NRG1: variants seen among roughly 807,000 people sequenced by gnomAD.
The protein encoded by NRG1 is neuregulin 1.
Under a neutral mutation model 63.8 loss-of-function variants are expected in NRG1, and 18 were observed. The observed-to-expected ratio is 0.28, with a 90% CI of 0.19 to 0.42. NRG1 has a LOEUF of 0.42. Among genes scored for constraint, NRG1 ranks in the 10% least tolerant of loss-of-function variants. The pLI, the probability that NRG1 is intolerant of heterozygous loss-of-function variation, is 1.00. For synonymous variants in NRG1, 302 were observed against 301.3 expected (o/e 1.00, Z -0.02); for missense variants, 762 against 814.7 (o/e 0.94, Z 0.79).
intron 1 of NRG1, among the ~76,000 whole-genome samples, chr8:32,508,577 G>A (rs1295415236): frequency 3.9e-5 from 6 of 151,994 alleles, no homozygotes; most frequent in South Asian, 2.1e-4. Flanking sequence ...GATTACAGGC[G>A]TGAGCCACCG....
chr8:32,288,803 G>A (rs1463172628), intron 1 of NRG1, among the ~76,000 whole-genome samples: 1 of 152,142 alleles, frequency 6.6e-6, no homozygotes, highest in Non-Finnish European at 1.5e-5. Flanking sequence ...CCTAGTAACA[G>A]CTTGAATCAC....
chr8:32,193,248 A>G (rs1161137615), intron 1 of NRG1, among the ~76,000 whole-genome samples: 1 of 151,574 alleles, frequency 6.6e-6, no homozygotes, highest in African/African-American at 2.4e-5. Context: ...AGCAGTAGTG[A>G]CCCTGTTGAT....
At chr8:32,455,071 G>C (rs191028385) in intron 1 of NRG1, among the ~76,000 whole-genome samples, 20 of 152,198 alleles carry the variant, frequency 1.3e-4, no homozygotes, top group Middle Eastern at 3.4e-3. Flanking sequence ...GTACCATCTT[G>C]GTTCGTGTAA....
rs1001308841 is a variant in NRG1, at chr8:31,699,960, A to T, written c.37+60529A>T. Among the ~76,000 whole-genome samples, 3 of 152,176 alleles carry T rather than the reference A, an allele frequency of 2.0e-5. No homozygotes were observed. In the South Asian group the frequency reaches 6.2e-4, roughly 32 times the overall value. On this transcript the variant is annotated intron_variant, in intron 1 of 10. Transcript: ENST00000519301. ...GGTTTATTTGGCTTTTATTCATAAA[A>T]ATACGAAAACCTTTCCTTGGTTTTC...
At chr8:31,977,142 A>G (rs1370432336) in intron 1 of NRG1, among the ~76,000 whole-genome samples, 1 of 152,158 alleles carries the variant, frequency 6.6e-6, no homozygotes, top group East Asian at 1.9e-4. Context: ...TCTATGTTCA[A>G]ATATTTTAAA....
chr8:31,712,011 A>G (rs1811807823), intron 1 of NRG1, among the ~76,000 whole-genome samples: 1 of 151,710 alleles, frequency 6.6e-6, no homozygotes, highest in South Asian at 2.1e-4. Flanking sequence ...TAAATAGCAC[A>G]CTCCAAATAC....
At chr8:32,387,861 T>C (rs1467377966) in intron 1 of NRG1, among the ~76,000 whole-genome samples, 1 of 152,206 alleles carries the variant, frequency 6.6e-6, no homozygotes, top group Non-Finnish European at 1.5e-5. Context: ...GAGACTGAGT[T>C]TACCACCTGT....
chr8:32,757,666 T>C (rs1829926739), intron 9 of NRG1, among the ~76,000 whole-genome samples: 1 of 152,214 alleles, frequency 6.6e-6, no homozygotes, highest in Admixed American at 6.5e-5. Flanking sequence ...CTGCATGTTA[T>C]AATATATAAA....
At chr8:32,203,456 C>A (rs2132313227) in intron 1 of NRG1, among the ~76,000 whole-genome samples, 1 of 151,946 alleles carries the variant, frequency 6.6e-6, no homozygotes, top group Non-Finnish European at 1.5e-5. Flanking sequence ...CTCATGCAAC[C>A]TCTGTCTCCC....
At chr8:32,725,974 A>G (rs1047712630) in intron 5 of NRG1, among the ~76,000 whole-genome samples, 1 of 152,212 alleles carries the variant, frequency 6.6e-6, no homozygotes, top group Admixed American at 6.5e-5. Context: ...ATGTTAAAGT[A>G]TAACTGATAA....
At chr8:32,668,162 G>A (rs765624570) in intron 5 of NRG1, among the ~76,000 whole-genome samples, 1 of 151,414 alleles carries the variant, frequency 6.6e-6, no homozygotes, top group Non-Finnish European at 1.5e-5. Flanking sequence ...GTAGTGAGCC[G>A]AGATCTCATG....
intron 1 of NRG1, among the ~76,000 whole-genome samples, chr8:32,214,347 G>A (rs1308807146): frequency 6.6e-6 from 1 of 151,980 alleles, no homozygotes; most frequent in Admixed American, 6.6e-5. Flanking sequence ...CAACAAAGTT[G>A]GAAACAAGAA....
chr8:32,164,307 A>C (rs574850304), intron 1 of NRG1, among the ~76,000 whole-genome samples: 1 of 152,124 alleles, frequency 6.6e-6, no homozygotes, highest in Non-Finnish European at 1.5e-5. Context: ...TCTATCTTTG[A>C]ATTTGGAATG....
intron 1 of NRG1, among the ~76,000 whole-genome samples, chr8:32,497,744 C>T (rs1219454499): frequency 2.0e-5 from 3 of 152,112 alleles, no homozygotes; most frequent in Non-Finnish European, 2.9e-5. Flanking sequence ...TGCTCTTCCT[C>T]TAGGTTCAGT....
At chr8:32,667,067 G>A (rs980283530) in intron 5 of NRG1, among the ~76,000 whole-genome samples, 1 of 152,144 alleles carries the variant, frequency 6.6e-6, no homozygotes, top group African/African-American at 2.4e-5. Flanking sequence ...ACATCATAGA[G>A]TGACTTAACA....
rs554923191 is a variant in NRG1, at chr8:32,333,095, C to G, written c.38-262733C>G. ...TTTTTTAAAGAAGGATGGACATCAT[C>G]TGCTCTCATCCTACCAGAGTTGTCT... On this transcript the variant is annotated intron_variant, in intron 1 of 10. Transcript: ENST00000519301. 3.3e-5 allele frequency among the ~76,000 whole-genome samples: 5 copies of G among 152,300 alleles called. 1 individual carries two copies. In the South Asian group the frequency reaches 1.0e-3, roughly 32 times the overall value.
intron 5 of NRG1, among the ~76,000 whole-genome samples, chr8:32,661,271 C>T (rs16879703): frequency 0.043 from 6,526 of 152,290 alleles, 478 homozygotes; most frequent in African/African-American, 0.15. Flanking sequence ...AGTAACTTAT[C>T]TTAGTTGTTG....
intron 1 of NRG1, among the ~76,000 whole-genome samples, chr8:32,115,996 A>G (rs1026525484): frequency 3.9e-5 from 6 of 152,126 alleles, no homozygotes; most frequent in African/African-American, 1.4e-4. Flanking sequence ...ATATAAGGTT[A>G]TTGCTTGAGA....
chr8:32,086,750 T>G (rs1011054170), intron 1 of NRG1, among the ~76,000 whole-genome samples: 1 of 152,166 alleles, frequency 6.6e-6, no homozygotes, highest in Non-Finnish European at 1.5e-5. Context: ...TTAAAAGATG[T>G]GTTATAAATT....
Sources: allele counts gnomAD v4.1 joint callset (sites outside exome capture counted in the v4.1 genomes callset), GRCh38; gene constraint gnomAD v4.1.1; transcripts MANE v1.5; gene names NCBI Gene and HGNC (gene_info 2026-07-23, HGNC 2026-07-21).